Variants in AUTS2 observed in about 807,000 individuals in gnomAD.
The protein encoded by AUTS2 is autism susceptibility gene 2 protein.
Under a neutral mutation model 112.4 loss-of-function variants are expected in AUTS2, and 17 were observed. The observed-to-expected ratio is 0.15, with a 90% CI of 0.10 to 0.23. The LOEUF (loss-of-function observed/expected upper bound fraction) is 0.23. Among genes scored for constraint, AUTS2 ranks in the 10% least tolerant of loss-of-function variants. The pLI, the probability that AUTS2 is intolerant of heterozygous loss-of-function variation, is 1.00. For missense variants in AUTS2, 1,510 were observed against 1,701.6 expected, an observed-to-expected ratio of 0.89 and a Z score of 1.98; for synonymous variants, 751 against 702.7, an observed-to-expected ratio of 1.07 and a Z score of -1.09.
At chr7:70,310,226 CT>C (rs1256641166) in intron 4 of AUTS2, among the ~76,000 whole-genome samples, 2 of 150,918 alleles carry the variant, frequency 1.3e-5, no homozygotes, top group African/African-American at 4.9e-5. Context: ...TGATTGGAGG[CT>C]TCTTTTAGGG....
intron 2 of AUTS2, among the ~76,000 whole-genome samples, chr7:70,011,456 G>T (rs1341374186): frequency 6.6e-6 from 1 of 151,394 alleles, no homozygotes; most frequent in Non-Finnish European, 1.5e-5. Flanking sequence ...CAAAAAAATG[G>T]TGTGTAAGTT....
chr7:69,672,840 C>T (rs1796398960), intron 1 of AUTS2, among the ~76,000 whole-genome samples: 1 of 152,172 alleles, frequency 6.6e-6, no homozygotes, highest in African/African-American at 2.4e-5. Context: ...GGATTAGACA[C>T]ATGAATTGAT....
chr7:70,761,508 A>ATT (rs1789561688), intron 6 of AUTS2, among the ~76,000 whole-genome samples: 1 of 152,236 alleles, frequency 6.6e-6, no homozygotes, highest in African/African-American at 2.4e-5. Flanking sequence ...TTGTGTAGTA[A>ATT]TAAAAGGATG....
intron 5 of AUTS2, among the ~76,000 whole-genome samples, chr7:70,672,245 A>G (rs1180817447): frequency 1.3e-5 from 2 of 152,232 alleles, no homozygotes; most frequent in African/African-American, 2.4e-5. Context: ...AAGCTGGGGA[A>G]CTGGTGAGAG....
At chr7:70,049,241 G>A (rs1358338361) in intron 2 of AUTS2, among the ~76,000 whole-genome samples, 1 of 152,158 alleles carries the variant, frequency 6.6e-6, no homozygotes, top group African/African-American at 2.4e-5. Context: ...GAACAATCCA[G>A]TAGTGTTGTC....
intron 1 of AUTS2, among the ~76,000 whole-genome samples, chr7:69,697,128 T>C (rs2129184331): frequency 6.6e-6 from 1 of 152,368 alleles, no homozygotes; most frequent in East Asian, 1.9e-4. Flanking sequence ...CCATAGTTTC[T>C]GATTCAGTAT....
At chr7:70,162,873 C>T (rs548552130) in intron 4 of AUTS2, among the ~76,000 whole-genome samples, 21 of 152,054 alleles carry the variant, frequency 1.4e-4, no homozygotes, top group Non-Finnish European at 2.6e-4. Flanking sequence ...ATATTCTTTC[C>T]ATGCATATAT....
intron 4 of AUTS2, among the ~76,000 whole-genome samples, chr7:70,266,500 G>A (rs1787432078): frequency 6.6e-6 from 1 of 152,116 alleles, no homozygotes; most frequent in South Asian, 2.1e-4. Flanking sequence ...GTTTAAAATG[G>A]TTAAAATGAT....
intron 2 of AUTS2, among the ~76,000 whole-genome samples, chr7:69,981,453 TTTTA>T (rs1798291085): frequency 6.6e-6 from 1 of 152,240 alleles, no homozygotes; most frequent in Admixed American, 6.5e-5. Flanking sequence ...GTATTTAAAT[TTTTA>T]TTCAATATTT....
chr7:70,684,368 C>G (rs1808352005), intron 5 of AUTS2, among the ~76,000 whole-genome samples: 1 of 152,174 alleles, frequency 6.6e-6, no homozygotes, highest in South Asian at 2.1e-4. Context: ...CAGGAATAGT[C>G]ACGTGACTTA....
chr7:70,288,887 C>T (rs1788584007), intron 4 of AUTS2, among the ~76,000 whole-genome samples: 1 of 152,166 alleles, frequency 6.6e-6, no homozygotes, highest in Admixed American at 6.5e-5. Context: ...ATGGGACTCA[C>T]TCATTTATAC....
chr7:70,690,505 A>T (rs879006499), intron 5 of AUTS2, among the ~76,000 whole-genome samples: 1 of 152,228 alleles, frequency 6.6e-6, no homozygotes, highest in Admixed American at 6.5e-5. Context: ...GAACTTCATT[A>T]TATTTAGGAG....
intron 2 of AUTS2, among the ~76,000 whole-genome samples, chr7:69,921,379 A>G (rs913358518): frequency 6.6e-6 from 1 of 150,546 alleles, no homozygotes; most frequent in Admixed American, 6.6e-5. Flanking sequence ...AAAAGTAGAA[A>G]AGTTAAAAGA....
intron 5 of AUTS2, among the ~76,000 whole-genome samples, chr7:70,664,034 A>G (rs1294347933): frequency 6.6e-6 from 1 of 152,186 alleles, no homozygotes; most frequent in Non-Finnish European, 1.5e-5. Context: ...GTTGAGTTTG[A>G]GAGTAAGTAG....
At chr7:70,348,683 G>A (rs1298038011) in intron 4 of AUTS2, among the ~76,000 whole-genome samples, 6 of 152,142 alleles carry the variant, frequency 3.9e-5, no homozygotes, top group South Asian at 4.1e-4. Flanking sequence ...GGTGGCGGGC[G>A]CCTGTAGTCC....
At chr7:70,401,198 TC>T (rs145973334) in intron 4 of AUTS2, among the ~76,000 whole-genome samples, 7,502 of 152,214 alleles carry the variant, frequency 0.049, 269 homozygotes, top group Middle Eastern at 0.11. Context: ...GGTAACAGAA[TC>T]CCCTGGGGAC....
intron 4 of AUTS2, among the ~76,000 whole-genome samples, chr7:70,366,664 C>T (rs942264657): frequency 6.6e-6 from 1 of 152,118 alleles, no homozygotes; most frequent in African/African-American, 2.4e-5. Flanking sequence ...AGTTGATATT[C>T]ACCTAGGGCA....
At chr7:70,013,303 C>T (rs1799887171) in intron 2 of AUTS2, among the ~76,000 whole-genome samples, 1 of 152,198 alleles carries the variant, frequency 6.6e-6, no homozygotes, top group African/African-American at 2.4e-5. Flanking sequence ...TAAATCCTGT[C>T]TCCTGAAATT....
At chr7:70,163,360 A>AGGGGGGGGGGGGGG (rs1562753323) in intron 4 of AUTS2, among the ~76,000 whole-genome samples, 2 of 2,466 alleles carry the variant, frequency 8.1e-4, no homozygotes, top group African/African-American at 2.2e-3. Context: ...GGGGGGGGGC[A>AGGGGGGGGGGGGGG]GAGGGGGAGG....
Sources: allele counts gnomAD v4.1 joint callset (sites outside exome capture counted in the v4.1 genomes callset), GRCh38; gene constraint gnomAD v4.1.1; transcripts MANE v1.5; gene names NCBI Gene and HGNC (gene_info 2026-07-23, HGNC 2026-07-21).